Variants in MBD6 observed in about 807,000 individuals in gnomAD.
MBD6 encodes methyl-CpG binding domain protein 6, also known as methyl-CpG-binding domain protein 6.
Under a neutral mutation model 66.8 loss-of-function variants are expected in MBD6, and 22 were observed. The ratio of observed to expected loss-of-function variants is 0.33; its 90% confidence interval spans 0.24 to 0.47. The LOEUF (loss-of-function observed/expected upper bound fraction) is 0.47. Among genes scored for constraint, MBD6 ranks in the 20% least tolerant of loss-of-function variants. The pLI is 1.00. For synonymous variants in MBD6, 540 were observed against 534.6 expected (o/e 1.01, Z -0.14); for missense variants, 1,322 against 1,286.9 (o/e 1.03, Z -0.42).
At chr12:57,530,490 C>T, downstream of MBD6, 1 of 515,168 alleles carries the variant, frequency 1.9e-6, no homozygotes. Context: ...AGACCACCTT[C>T]TGATGATAAC....
At chr12:57,530,402 C>T (rs1879549394), downstream of MBD6, 1 of 355,938 alleles carries the variant, frequency 2.8e-6, no homozygotes, top group South Asian at 5.8e-5. Context: ...CCAATCCTTC[C>T]CCACACCAGG....
intron 7 of MBD6, 121 bp downstream of exon 7, chr12:57,527,348 G>T: frequency 8.7e-7 from 1 of 1,148,246 alleles, no homozygotes; most frequent in East Asian, 2.5e-5. Flanking sequence ...GGAGGCCTTA[G>T]TTCTTGGCTG....
At chr12:57,530,191 A>G (rs1009791235), downstream of MBD6, 3 of 152,706 alleles carry the variant, frequency 2.0e-5, no homozygotes, top group African/African-American at 7.2e-5. Flanking sequence ...CTTTGGTAAG[A>G]ACAGGTTACA....
Position 57,524,264 on chromosome 12 carries a change from A to T in MBD6, c.-24-16A>T. On this transcript the variant is annotated splice_polypyrimidine_tract_variant and intron_variant, in intron 2 of 12. Coordinates refer to ENST00000355673, the MANE Select transcript of MBD6 (RefSeq NM_052897.4). Reference sequence around the variant, plus strand: ...TTTAATCCTCCTAGTGCCTACATGGATGTCTGTGTTATCAGGCACGCGGGA... The same window carrying T: ...TTTAATCCTCCTAGTGCCTACATGGTTGTCTGTGTTATCAGGCACGCGGGA... The T allele has an allele frequency of 7.0e-7, 1 of 1,436,084 alleles. No individual in the cohort carries two copies. The highest frequency in any genetic ancestry group is 9.4e-7 in the Non-Finnish European group (1 of 1,058,640). The allele number at this position is 1,436,084 out of a possible 1,614,324, so 89.0% of individuals were successfully genotyped here. A position where few individuals can be genotyped will look rare whatever the true frequency, so the allele number is the denominator to read the frequency against.
intron 7 of MBD6, 101 bp downstream of exon 7, chr12:57,527,328 G>A: frequency 9.1e-7 from 1 of 1,097,700 alleles, no homozygotes. Flanking sequence ...CTCTTCCTTG[G>A]GGCCTTTGGG....
In MBD6 at chr12:57,527,024, C is replaced by T; in HGVS notation, c.1879C>T (p.Pro627Ser). 1 of 1,612,644 alleles carries T rather than the reference C, an allele frequency of 6.2e-7. No homozygotes were observed. Among genetic ancestry groups the T allele is most frequent in the African/African-American group, 1.3e-5 (1 of 74,992 alleles). Residue 627 changes from proline (P) to serine (S), a missense_variant, in exon 7 of 13, where the codon CCC becomes TCC. Physicochemically the swap from Pro to Ser is moderately conservative, Grantham distance 74. Coordinates refer to ENST00000355673, the MANE Select transcript of MBD6 (RefSeq NM_052897.4). ...PPSNLLASFLPLLALGPTAGD... is the reference protein window; with the variant it reads ...PPSNLLASFLSLLALGPTAGD... ...CAGCAACCTCCTTGCCTCTTTCCTGCCCCTGTTGGCTCTGGGCCCCACAGC... is the reference window on the plus strand; with the variant it reads ...CAGCAACCTCCTTGCCTCTTTCCTGTCCCTGTTGGCTCTGGGCCCCACAGC...
Position 57,528,328 on chromosome 12 carries a change from G to A in MBD6, c.2588G>A (p.Gly863Glu), listed in dbSNP as rs761092590. 14 of 1,609,460 alleles carry A rather than the reference G, an allele frequency of 8.7e-6. No individual in the cohort carries two copies. Among genetic ancestry groups the A allele is most frequent in the Non-Finnish European group, 1.2e-5 (14 of 1,177,864 alleles). Residue 863 changes from glycine to glutamate, a missense_variant, in exon 10 of 13, where the codon GGG (glycine) becomes GAG (glutamate). Coordinates refer to ENST00000355673, the MANE Select transcript of MBD6 (RefSeq NM_052897.4). ...GGGAAACGGGGCCGGAGGGGAGGAG[G>A]GGGACTTAGGGGCATTAATGGTGAG... ...GSGKRGRRGG[G>E]GLRGINGEAR...
chr12:57,526,163 T>G lies in MBD6; in HGVS notation c.1195T>G (p.Phe399Val), dbSNP rs928858568. 1.2e-6 allele frequency: 2 copies of G among 1,613,770 alleles called. No individual in the cohort carries two copies. Among genetic ancestry groups the G allele is most frequent in the Non-Finnish European group, 1.7e-6 (2 of 1,179,952 alleles). Residue 399 changes from phenylalanine to valine, a missense_variant, in exon 6 of 13, where the codon TTT (phenylalanine) becomes GTT (valine). By Grantham distance (50) the Phe-to-Val change is conservative. Transcript: ENST00000355673. The part of the protein sequence containing the change: ...PRAPAPVPQP[F>V]SLPEPSQPIL... ...GGCCCCTGCTCCTGTCCCCCAACCC[T>G]TTTCTCTCCCGGAGCCATCCCAACC...
At chr12:57,526,486 G>A (rs1425814599) in intron 6 of MBD6, 80 bp from the exon 7 acceptor site, 1 of 1,512,062 alleles carries the variant, frequency 6.6e-7, no homozygotes, top group Non-Finnish European at 8.8e-7. Context: ...GGTTTTCTGG[G>A]TTGGGGGCAG....
In MBD6 at chr12:57,528,537, G is replaced by A. The variant is rs531416916; in HGVS notation, c.2797G>A (p.Gly933Arg). The change falls in exon 10 of 13, where the codon GGG (glycine) becomes AGG (arginine). Residue 933 changes from glycine (G) to arginine (R), a missense_variant. Gly to Arg is a moderately radical substitution (Grantham distance 125, BLOSUM62 -2). Transcript: ENST00000355673. ...GAEPKDPPPP[G>R]PHSEDLKVPP... is the part of the protein sequence containing the mutation. ...TGAGCCCAAGGATCCACCCCCTCCC[G>A]GGCCCCATTCTGAGGACCTTAAGGT... 2.0e-5 allele frequency: 32 copies of A among 1,611,354 alleles called. No homozygotes were observed. The highest frequency in any genetic ancestry group is 7.7e-5 in the South Asian group (7 of 90,794).
At position 57,527,204 on chromosome 12, in the gene MBD6, C is replaced by T. The variant is rs577867863; in HGVS notation, c.2059C>T (p.Pro687Ser). Residue 687 changes from proline (P) to serine (S), a missense_variant, in exon 7 of 13, where the codon CCC becomes TCC. By Grantham distance (74) the Pro-to-Ser change is moderately conservative (BLOSUM62 -1). Coordinates refer to ENST00000355673, the MANE Select transcript of MBD6 (RefSeq NM_052897.4). Reference protein sequence around the residue: ...NSALLAATLDPPSGTPPQPCV... With the variant: ...NSALLAATLDSPSGTPPQPCV... ...TGCGCTGCTGGCTGCCACCCTGGAT[C>T]CCCCCTCGGGGACACCCCCCCAGGT... is the stretch of plus-strand genomic sequence containing the variant. 2 of 1,508,290 alleles carry T rather than the reference C, an allele frequency of 1.3e-6. No individual in the cohort carries two copies. The highest frequency in any genetic ancestry group is 1.3e-5 in the South Asian group (1 of 75,570). 93.4% of individuals were successfully genotyped at this position (1,508,290 alleles called of 1,614,324 possible).
rs148522084 is a variant in MBD6, at chr12:57,527,902, C to G, written c.2291C>G (p.Pro764Arg). 6.2e-7 allele frequency: 1 copy of G among 1,613,818 alleles called. No individual in the cohort carries two copies. The highest frequency in any genetic ancestry group is 8.5e-7 in the Non-Finnish European group (1 of 1,179,942). The change falls in exon 9 of 13, where the codon CCT becomes CGT. Residue 764 changes from proline to arginine, a missense_variant. Coordinates refer to ENST00000355673, the MANE Select transcript of MBD6 (RefSeq NM_052897.4). Reference sequence around the variant, plus strand: ...GGAGCCCTCCCCAGCCTGTTGCAGCCTCCTGGCCCTCTTCTCTCTGGCCAG... The same window carrying G: ...GGAGCCCTCCCCAGCCTGTTGCAGCGTCCTGGCCCTCTTCTCTCTGGCCAG... ...SPGALPSLLQPPGPLLSGQLG... is the reference protein window; with the variant it reads ...SPGALPSLLQRPGPLLSGQLG...
At position 57,527,866 on chromosome 12, in the gene MBD6, C is replaced by T. The variant is rs373209109; in HGVS notation, c.2255C>T (p.Thr752Ile). 5 of 1,613,568 alleles carry T rather than the reference C, an allele frequency of 3.1e-6. No homozygotes were observed. In the African/African-American group the frequency reaches 5.3e-5, roughly 17 times the overall value. ...TCAACAGGTGACCTGTCTTCACTGA[C>T]CAGCAGCCCTGGAGCCCTCCCCAGC... ...ASLLGDLSSLTSSPGALPSLL... is the reference protein window; with the variant it reads ...ASLLGDLSSLISSPGALPSLL... Residue 752 changes from threonine (T) to isoleucine (I), a missense_variant, in exon 9 of 13, where the codon ACC (threonine) becomes ATC (isoleucine). Physicochemically the swap from Thr to Ile is moderately conservative, Grantham distance 89 (BLOSUM62 -1). Coordinates refer to ENST00000355673, the MANE Select transcript of MBD6 (RefSeq NM_052897.4).
Position 57,525,341 on chromosome 12 carries a change from AT to A in MBD6, c.380-5del. On this transcript the variant is annotated splice_region_variant and splice_polypyrimidine_tract_variant and intron_variant, in intron 5 of 12. Transcript: ENST00000355673. The stretch of plus-strand genomic sequence containing the variant: ...CAGGCTGACCCTTCATTTTTCATTT[AT>A]TGCAGGAGAGGGAGCGAGCCCCCAA... 6.4e-7 allele frequency: 1 copy of A among 1,561,648 alleles called. No individual in the cohort carries two copies. The highest frequency in any genetic ancestry group is 8.6e-7 in the Non-Finnish European group (1 of 1,160,356).
upstream of MBD6, chr12:57,521,949 A>C (rs930427054): frequency 6.6e-6 from 1 of 152,178 alleles, no homozygotes; most frequent in African/African-American, 2.4e-5. Flanking sequence ...TTTGTAAATT[A>C]AAGATAAAAG....
chr12:57,529,285 G>C lies in MBD6; in HGVS notation c.*51G>C, dbSNP rs779654574. 15 of 1,596,318 alleles carry C rather than the reference G, an allele frequency of 9.4e-6. No individual in the cohort carries two copies. The highest frequency in any genetic ancestry group is 1.3e-5 in the African/African-American group (1 of 74,534). On this transcript the variant is annotated 3_prime_UTR_variant, in exon 13 of 13. Transcript: ENST00000355673. ...CCCTGATTGGGGAGAGCTGAGTGCT[G>C]AGCCTTGGGAGCCCCTGCCAGCCAC...
At chr12:57,523,591 C>T (rs1023994171) in intron 1 of MBD6, among the ~76,000 whole-genome samples, 1 of 152,172 alleles carries the variant, frequency 6.6e-6, no homozygotes, top group African/African-American at 2.4e-5. Context: ...GGGAGTTCTG[C>T]TGGTACCACC....
upstream of MBD6, chr12:57,522,755 A>AGCGGCGGCGGCG (rs1361735890): frequency 1.4e-3 from 32 of 23,486 alleles, no homozygotes; most frequent in Admixed American, 4.0e-3. Context: ...CGGCTGCGGC[A>AGCGGCGGCGGCG]GCGACGGCGG....
chr12:57,527,759 C>A, intron 8 of MBD6, 89 bp from the exon 9 acceptor site: 1 of 1,556,216 alleles, frequency 6.4e-7, no homozygotes, highest in Non-Finnish European at 8.7e-7. Flanking sequence ...AAGTCTTTGG[C>A]CACTGGATAA....
Sources: allele counts gnomAD v4.1 joint callset (sites outside exome capture counted in the v4.1 genomes callset), GRCh38; gene constraint gnomAD v4.1.1; transcripts MANE v1.5; gene names NCBI Gene and HGNC (gene_info 2026-07-23, HGNC 2026-07-21).